The following COPZ1 variants were observed in gnomAD, a reference collection of about 807,000 sequenced individuals.
COPZ1 encodes the protein coatomer subunit zeta-1.
COPZ1 carries 4 observed loss-of-function variants against 31.7 expected under a neutral mutation model. That is an observed-to-expected ratio of 0.13 (90% CI 0.06 to 0.29). The LOEUF (loss-of-function observed/expected upper bound fraction) is 0.29, where lower values mean the gene tolerates loss of function less well. Among genes scored for constraint, COPZ1 ranks in the 10% least tolerant of loss-of-function variants. The probability of loss-of-function intolerance (pLI) is 1.00; values close to 1 mark genes in which losing one functional copy is unlikely to be tolerated. For synonymous variants in COPZ1, 74 were observed against 79.0 expected, an observed-to-expected ratio of 0.94 and a Z score of 0.33; for missense variants, 156 against 211.5, an observed-to-expected ratio of 0.74 and a Z score of 1.63.
At chr12:54,348,558 G>GA (rs1565597866) in intron 7 of COPZ1, among the ~76,000 whole-genome samples, 1 of 152,042 alleles carries the variant, frequency 6.6e-6, no homozygotes, top group Non-Finnish European at 1.5e-5. Context: ...CCAACATGGT[G>GA]AAACCCTGTC....
Position 54,345,530 on chromosome 12 carries a change from C to G in COPZ1, c.317+15C>G, listed in dbSNP as rs757033472. ...CAGATGCTGAGGTGAGCAGGACATT[C>G]TTTTTTTTCCCCTCAAGTTATGATG... On this transcript the variant is annotated intron_variant, in intron 5 of 8. Transcript: ENST00000262061. The G allele has an allele frequency of 3.1e-6, 5 of 1,598,684 alleles. No individual in the cohort carries two copies. In the South Asian group the frequency reaches 4.4e-5, roughly 14 times the overall value.
intron 1 of COPZ1, among the ~76,000 whole-genome samples, chr12:54,339,980 CGTGTGTGT>C (rs10522684): frequency 0.13 from 18,456 of 142,062 alleles, 1,239 homozygotes; most frequent in East Asian, 0.22. Flanking sequence ...TGTGCCTGTG[CGTGTGTGT>C]GTGTGTGTGT....
At chr12:54,328,726 C>G (rs956106345) in intron 1 of COPZ1, among the ~76,000 whole-genome samples, 2 of 152,182 alleles carry the variant, frequency 1.3e-5, no homozygotes, top group Non-Finnish European at 2.9e-5. Context: ...CTAACTTGAT[C>G]AGGTAACCCT....
In COPZ1 at chr12:54,350,470, C is replaced by T. The variant is rs116774775; in HGVS notation, c.487-6C>T. 2.2e-3 allele frequency: 3,481 copies of T among 1,613,810 alleles called. 84 individuals are homozygous for T. In the African/African-American group the frequency reaches 0.041, roughly 19 times the overall value. On this transcript the variant is annotated splice_region_variant and splice_polypyrimidine_tract_variant and intron_variant, in intron 8 of 8. Coordinates refer to ENST00000262061, the MANE Select transcript of COPZ1 (RefSeq NM_016057.3). ...GCTTTCCTCAATGCTGCTCTTATCT[C>T]TGCAGGTGCTGCAGTCAGCCAAAGA...
At chr12:54,329,376 G>A (rs1275169708) in intron 1 of COPZ1, among the ~76,000 whole-genome samples, 4 of 152,074 alleles carry the variant, frequency 2.6e-5, no homozygotes, top group Non-Finnish European at 5.9e-5. Flanking sequence ...CTGAGGTCAG[G>A]AGTTCAAGAC....
Position 54,340,631 on chromosome 12 carries a change from G to A in COPZ1, c.87+16G>A, listed in dbSNP as rs765410735. On this transcript the variant is annotated intron_variant, in intron 2 of 8. Coordinates refer to ENST00000262061, the MANE Select transcript of COPZ1 (RefSeq NM_016057.3). The stretch of plus-strand genomic sequence containing the variant: ...TTTTGCCAAGGTGAGATTCCCTTTC[G>A]AATTAGTTTAGGAACAGCACAAAGG... 1.4e-5 allele frequency: 22 copies of A among 1,611,828 alleles called. No individual in the cohort carries two copies. The highest frequency in any genetic ancestry group is 1.0e-4 in the Admixed American group (6 of 59,654).
At chr12:54,342,140 A>G in intron 2 of COPZ1, 66 bp from the exon 3 acceptor site, 5 of 1,140,228 alleles carry the variant, frequency 4.4e-6, no homozygotes, top group Non-Finnish European at 5.3e-6. Context: ...AGGGCAAAAC[A>G]TAGTCACTAA....
intron 1 of COPZ1, among the ~76,000 whole-genome samples, chr12:54,336,946 C>T (rs1449785868): frequency 1.4e-5 from 2 of 138,512 alleles, no homozygotes; most frequent in Non-Finnish European, 3.0e-5. Context: ...CACTTGAATC[C>T]GGGAGGTGGA....
chr12:54,340,637 GT>G (rs1565594012), intron 2 of COPZ1, 22 bp downstream of exon 2: 1 of 1,610,994 alleles, frequency 6.2e-7, no homozygotes. Flanking sequence ...TTTCGAATTA[GT>G]TTAGGAACAG....
chr12:54,329,838 GA>G (rs1246877831), intron 1 of COPZ1, among the ~76,000 whole-genome samples: 8 of 152,194 alleles, frequency 5.3e-5, no homozygotes, highest in Non-Finnish European at 8.8e-5. Flanking sequence ...AAACTATGCA[GA>G]ATATGTCAAT....
chr12:54,335,886 C>T (rs1187627830), intron 1 of COPZ1, among the ~76,000 whole-genome samples: 1 of 151,858 alleles, frequency 6.6e-6, no homozygotes, highest in Non-Finnish European at 1.5e-5. Context: ...CACTGTGTTG[C>T]CCAGGTTGGT....
At chr12:54,349,504 G>A (rs1346958912) in intron 7 of COPZ1, 116 bp from the exon 8 acceptor site, 1 of 839,056 alleles carries the variant, frequency 1.2e-6, no homozygotes, top group South Asian at 1.4e-5. Context: ...GAAGTTCAGT[G>A]CATCTGCCCT....
chr12:54,342,286 C>A lies in COPZ1; in HGVS notation c.168C>A (p.Asp56Glu). 6.2e-7 allele frequency: 1 copy of A among 1,612,564 alleles called. No homozygotes were observed. Among genetic ancestry groups the A allele is most frequent in the Non-Finnish European group, 8.5e-7 (1 of 1,178,548 alleles). Residue 56 changes from aspartate (D) to glutamate (E), a missense_variant and splice_region_variant, in exon 3 of 9, where the codon GAC becomes GAA. Asp to Glu is a conservative substitution (Grantham distance 45, BLOSUM62 2). Coordinates refer to ENST00000262061, the MANE Select transcript of COPZ1 (RefSeq NM_016057.3). Reference sequence around the variant, plus strand: ...TTTTCAACAAGACCCATCGGACTGACAGTAGGTCATTTTCCTTTCACTACT... The same window carrying A: ...TTTTCAACAAGACCCATCGGACTGAAAGTAGGTCATTTTCCTTTCACTACT... ...KNIFNKTHRTDSEIALLEGLT... is the reference protein window; with the variant it reads ...KNIFNKTHRTESEIALLEGLT...
At chr12:54,340,384 T>C (rs1953953120) in intron 1 of COPZ1, 163 bp from the exon 2 acceptor site, 1 of 1,139,824 alleles carries the variant, frequency 8.8e-7, no homozygotes, top group African/African-American at 1.6e-5. Context: ...TTACCCTGGG[T>C]CTTTCTCAAT....
intron 3 of COPZ1, chr12:54,342,688 A>G: frequency 5.0e-6 from 1 of 201,452 alleles, no homozygotes; most frequent in Non-Finnish European, 1.0e-5. Context: ...GCAGGAACAG[A>G]GGATGGTGGT....
At chr12:54,335,323 G>T (rs1039397266) in intron 1 of COPZ1, among the ~76,000 whole-genome samples, 21 of 151,928 alleles carry the variant, frequency 1.4e-4, no homozygotes, top group African/African-American at 4.3e-4. Flanking sequence ...TGAGACAAGA[G>T]AATCTTGTTA....
chr12:54,343,148 C>T lies in COPZ1; in HGVS notation c.170-77C>T, dbSNP rs531235668. 1.4e-3 allele frequency: 1,590 copies of T among 1,147,986 alleles called. 2 individuals carry two copies. The highest frequency in any genetic ancestry group is 1.8e-3 in the Non-Finnish European group (1,383 of 758,126). 71.1% of individuals were successfully genotyped at this position (1,147,986 alleles called of 1,614,324 possible). A position where few individuals can be genotyped will look rare whatever the true frequency, so the allele number is the denominator to read the frequency against. ...CTGGGATTACAGGCATGAGCCACTG[C>T]GCCTGGCTGGTAACTCCTTCTTTCC... On this transcript the variant is annotated intron_variant, in intron 3 of 8. Transcript: ENST00000262061.
At chr12:54,328,232 C>A (rs1192233496) in intron 1 of COPZ1, among the ~76,000 whole-genome samples, 1 of 146,006 alleles carries the variant, frequency 6.8e-6, no homozygotes, top group Non-Finnish European at 1.5e-5. Context: ...GCCGAGATCG[C>A]GCCACTGCAC....
chr12:54,338,776 T>C (rs1427387510), intron 1 of COPZ1, among the ~76,000 whole-genome samples: 1 of 152,232 alleles, frequency 6.6e-6, no homozygotes, highest in Non-Finnish European at 1.5e-5. Flanking sequence ...ATTGCAGTCC[T>C]CAAGAATTCA....
Sources: gnomAD v4.1 joint callset for allele counts (sites outside exome capture counted in the v4.1 genomes callset) on GRCh38, gnomAD v4.1.1 for gene constraint, MANE v1.5 for transcripts, NCBI Gene and HGNC (gene_info 2026-07-23, HGNC 2026-07-21) for gene names.